The following NKAIN3 variants were observed in gnomAD, a reference collection of about 807,000 sequenced individuals.
The protein encoded by NKAIN3 is sodium/potassium-transporting ATPase subunit beta-1-interacting protein 3.
Under a neutral mutation model 30.2 loss-of-function variants are expected in NKAIN3, and 25 were observed. That is an observed-to-expected ratio of 0.83 (90% CI 0.60 to 1.16). The LOEUF is 1.16. NKAIN3 is among the 50% of genes most tolerant of loss of function. The pLI is 0.00. For synonymous variants in NKAIN3, 91 were observed against 89.6 expected (o/e 1.02, Z -0.09); for missense variants, 225 against 254.1 (o/e 0.89, Z 0.78).
At chr8:62,922,419 T>C (rs1822307625) in intron 5 of NKAIN3, among the ~76,000 whole-genome samples, 1 of 152,130 alleles carries the variant, frequency 6.6e-6, no homozygotes, top group Non-Finnish European at 1.5e-5. Flanking sequence ...AAAAGACTAG[T>C]TTGAATGTTA....
chr8:62,594,387 A>G (rs775309475), intron 3 of NKAIN3, among the ~76,000 whole-genome samples: 1 of 152,044 alleles, frequency 6.6e-6, no homozygotes, highest in Non-Finnish European at 1.5e-5. Flanking sequence ...GGGACTCCAC[A>G]CGGTGAATTG....
rs1812087247 is a variant in NKAIN3, at chr8:62,635,118, G to C, written c.273+45324G>C. The stretch of plus-strand genomic sequence containing the variant: ...ACCTCTGCAGAGACCTTAGGCACTG[G>C]AGGGACTGTGACAGGGTATGGACTG... On this transcript the variant is annotated intron_variant, in intron 3 of 6. Transcript: ENST00000623646. 2.6e-5 allele frequency among the ~76,000 whole-genome samples: 4 copies of C among 152,102 alleles called. No homozygotes were observed. In the South Asian group the frequency reaches 8.3e-4, roughly 32 times the overall value.
intron 4 of NKAIN3, among the ~76,000 whole-genome samples, chr8:62,903,625 T>C (rs192937062): frequency 7.2e-5 from 11 of 152,310 alleles, no homozygotes; most frequent in East Asian, 3.9e-4. Context: ...TCAGAGTTTC[T>C]TGATAAGCCC....
intron 4 of NKAIN3, among the ~76,000 whole-genome samples, chr8:62,861,381 A>G (rs1485364138): frequency 1.3e-5 from 2 of 152,124 alleles, no homozygotes; most frequent in African/African-American, 4.8e-5. Context: ...AATAATTTCA[A>G]ATGTCACCAG....
intron 5 of NKAIN3, 95 bp downstream of exon 5, chr8:62,918,608 T>C (rs1309966260): frequency 5.9e-6 from 5 of 845,120 alleles, no homozygotes; most frequent in Non-Finnish European, 9.6e-6. Flanking sequence ...AAATCTTTTA[T>C]ATTTGGAGTC....
intron 4 of NKAIN3, among the ~76,000 whole-genome samples, chr8:62,897,513 G>A (rs1054038188): frequency 6.6e-6 from 1 of 152,124 alleles, no homozygotes; most frequent in African/African-American, 2.4e-5. Flanking sequence ...CACTCTAAGA[G>A]TAAGCCCTAA....
At chr8:62,842,863 C>A (rs1819573497) in intron 4 of NKAIN3, among the ~76,000 whole-genome samples, 2 of 152,022 alleles carry the variant, frequency 1.3e-5, no homozygotes, top group Admixed American at 1.3e-4. Flanking sequence ...AAAATAAACT[C>A]AAAATGATTA....
chr8:62,401,558 C>T (rs1803874097), intron 1 of NKAIN3, among the ~76,000 whole-genome samples: 2 of 152,192 alleles, frequency 1.3e-5, no homozygotes, highest in African/African-American at 4.8e-5. Context: ...TGTGCCCATT[C>T]TTCTTGGGAA....
chr8:62,812,437 T>G (rs1038617074), intron 4 of NKAIN3, among the ~76,000 whole-genome samples: 2 of 151,852 alleles, frequency 1.3e-5, no homozygotes, highest in African/African-American at 4.8e-5. Context: ...TATCTTTACT[T>G]TCTTGAGTCT....
intron 4 of NKAIN3, among the ~76,000 whole-genome samples, chr8:62,787,600 A>G (rs1323698244): frequency 2.0e-5 from 3 of 152,162 alleles, no homozygotes; most frequent in Non-Finnish European, 4.4e-5. Context: ...ACATATGTAT[A>G]CATGTGCCAT....
At chr8:62,638,802 A>G (rs1001776384) in intron 3 of NKAIN3, among the ~76,000 whole-genome samples, 1 of 152,144 alleles carries the variant, frequency 6.6e-6, no homozygotes, top group Non-Finnish European at 1.5e-5. Flanking sequence ...AGTCACCAGT[A>G]TTCTGTAAGT....
chr8:62,731,126 A>T (rs1815449542), intron 3 of NKAIN3, among the ~76,000 whole-genome samples: 1 of 151,946 alleles, frequency 6.6e-6, no homozygotes, highest in South Asian at 2.1e-4. Flanking sequence ...TCCAGGGAAG[A>T]CCTGGCGCTT....
downstream of NKAIN3, among the ~76,000 whole-genome samples, chr8:62,986,220 A>G (rs1824195342): frequency 6.6e-6 from 1 of 152,208 alleles, no homozygotes; most frequent in Non-Finnish European, 1.5e-5. Context: ...CCGGAGATTC[A>G]TCTCTTATCT....
rs373414207 is a variant in NKAIN3, at chr8:62,980,318, C to G, written c.*14911C>G. ...TGACAATTCTTTTTAAAGGGGATTG[C>G]TCTTTTCTCCTTCTGGTTTCTCAAA... On this transcript the variant is annotated 3_prime_UTR_variant, in exon 7 of 7. Coordinates refer to ENST00000623646, the MANE Select transcript of NKAIN3 (RefSeq NM_001304533.3). 1 of 152,160 alleles carries G rather than the reference C, an allele frequency of 6.6e-6. No homozygotes were observed. Among genetic ancestry groups the G allele is most frequent in the Non-Finnish European group, 1.5e-5 (1 of 68,038 alleles). 9.4% of individuals were successfully genotyped at this position (152,160 alleles called of 1,614,324 possible).
chr8:62,432,708 A>T (rs187404820), intron 1 of NKAIN3, among the ~76,000 whole-genome samples: 173 of 152,178 alleles, frequency 1.1e-3, no homozygotes, highest in African/African-American at 4.1e-3. Context: ...TTGAATGTAG[A>T]TTTCATATTT....
chr8:62,838,953 A>G (rs916713815), intron 4 of NKAIN3, among the ~76,000 whole-genome samples: 1 of 152,088 alleles, frequency 6.6e-6, no homozygotes, highest in African/African-American at 2.4e-5. Flanking sequence ...GTCATCTCCC[A>G]TCTTGCTCCT....
intron 3 of NKAIN3, among the ~76,000 whole-genome samples, chr8:62,657,921 T>C (rs1439091906): frequency 6.6e-6 from 1 of 152,024 alleles, no homozygotes; most frequent in East Asian, 1.9e-4. Flanking sequence ...GTGGAGCAAA[T>C]GGGGAGAGCT....
intron 3 of NKAIN3, among the ~76,000 whole-genome samples, chr8:62,618,968 A>G (rs1232146878): frequency 6.6e-6 from 1 of 152,152 alleles, no homozygotes; most frequent in African/African-American, 2.4e-5. Flanking sequence ...GTGAAGAGAA[A>G]GAGAAGAGAT....
chr8:62,881,267 A>T (rs1468103092), intron 4 of NKAIN3, among the ~76,000 whole-genome samples: 1 of 152,182 alleles, frequency 6.6e-6, no homozygotes, highest in Non-Finnish European at 1.5e-5. Context: ...GCCCTAAAAA[A>T]TCCCCTGTCT....
Sources: allele counts gnomAD v4.1 joint callset (sites outside exome capture counted in the v4.1 genomes callset), GRCh38; gene constraint gnomAD v4.1.1; transcripts MANE v1.5; gene names NCBI Gene and HGNC (gene_info 2026-07-23, HGNC 2026-07-21).